DOCK3: variants seen among roughly 807,000 people sequenced by gnomAD.
DOCK3 encodes the protein dedicator of cytokinesis protein 3.
DOCK3 carries 60 observed loss-of-function variants against 265.6 expected under a neutral mutation model. The ratio of observed to expected loss-of-function variants is 0.23; its 90% CI spans 0.18 to 0.28. DOCK3 has a LOEUF of 0.28. Among genes scored for constraint, DOCK3 ranks in the 10% least tolerant of loss-of-function variants. DOCK3 has a pLI of 1.00. For missense variants in DOCK3, 1,981 were observed against 2,594.3 expected (o/e 0.76, Z 5.14); for synonymous variants, 881 against 938.0 (o/e 0.94, Z 1.11).
chr3:51,372,608 C>T (rs1428188058), intron 49 of DOCK3, among the ~76,000 whole-genome samples: 3 of 152,204 alleles, frequency 2.0e-5, no homozygotes, highest in African/African-American at 4.8e-5. Context: ...TGAGAGACCA[C>T]GGACAACCTG....
At chr3:51,310,668 T>C (rs1283901394) in intron 28 of DOCK3, among the ~76,000 whole-genome samples, 1 of 152,236 alleles carries the variant, frequency 6.6e-6, no homozygotes, top group African/African-American at 2.4e-5. Context: ...CAGGCAGTGC[T>C]TGCCTCCCAT....
intron 4 of DOCK3, among the ~76,000 whole-genome samples, chr3:50,910,221 C>G (rs2049789251): frequency 6.6e-6 from 1 of 152,084 alleles, no homozygotes. Flanking sequence ...CTGCTCCTGT[C>G]ATTTCAGCCA....
intron 32 of DOCK3, among the ~76,000 whole-genome samples, chr3:51,326,211 T>C (rs573557618): frequency 4.7e-4 from 72 of 152,254 alleles, no homozygotes; most frequent in Non-Finnish European, 6.8e-4. Context: ...GGTATTCCAT[T>C]GTATGGCTGG....
At chr3:51,110,695 T>C (rs986661258) in intron 9 of DOCK3, among the ~76,000 whole-genome samples, 1 of 152,166 alleles carries the variant, frequency 6.6e-6, no homozygotes, top group Non-Finnish European at 1.5e-5. Flanking sequence ...CTCAAAATAA[T>C]AAGAGCCATC....
rs2088819241 is a variant in DOCK3, at chr3:51,383,872, A to G, written c.*2313A>G. 6.6e-6 allele frequency: 1 copy of G among 152,638 alleles called. No homozygotes were observed. Among genetic ancestry groups the G allele is most frequent in the South Asian group, 2.1e-4 (1 of 4,832 alleles). The allele number at this position is 152,638 out of a possible 1,614,324, so 9.5% of individuals were successfully genotyped here. A position where few individuals can be genotyped will look rare whatever the true frequency, so the allele number is the denominator to read the frequency against. The stretch of plus-strand genomic sequence containing the variant: ...AGAGTGTGATGTCCAATTGGTATTC[A>G]GCACTATAAATGTGTTTTTAACCTC... On this transcript the variant is annotated 3_prime_UTR_variant, in exon 53 of 53. Coordinates refer to ENST00000266037, the MANE Select transcript of DOCK3 (RefSeq NM_004947.5).
chr3:50,700,103 AC>A (rs2035938479), intron 1 of DOCK3, among the ~76,000 whole-genome samples: 1 of 151,900 alleles, frequency 6.6e-6, no homozygotes, highest in African/African-American at 2.4e-5. Context: ...ACATGGTGAA[AC>A]CCCCGTCTCT....
At chr3:51,013,396 A>G (rs932316004) in intron 5 of DOCK3, among the ~76,000 whole-genome samples, 2 of 152,106 alleles carry the variant, frequency 1.3e-5, no homozygotes, top group African/African-American at 2.4e-5. Context: ...TTTCCTTATA[A>G]CAATCAGGTC....
chr3:51,248,666 G>A (rs2078963219), intron 22 of DOCK3, among the ~76,000 whole-genome samples: 1 of 151,958 alleles, frequency 6.6e-6, no homozygotes, highest in Non-Finnish European at 1.5e-5. Context: ...CGTCTGGGAT[G>A]TGAGGAGCCC....
chr3:51,149,700 G>A (rs1034097382), intron 10 of DOCK3, among the ~76,000 whole-genome samples: 1 of 152,168 alleles, frequency 6.6e-6, no homozygotes. Flanking sequence ...CAACTTGATC[G>A]TGGTGGATAG....
intron 1 of DOCK3, among the ~76,000 whole-genome samples, chr3:50,720,406 CTG>C (rs1161684203): frequency 1.3e-5 from 2 of 152,132 alleles, no homozygotes; most frequent in Admixed American, 1.3e-4. Flanking sequence ...TTTTATTTTT[CTG>C]TGTTAGTTCA....
At chr3:50,858,392 C>T (rs892519925) in intron 3 of DOCK3, among the ~76,000 whole-genome samples, 1 of 151,004 alleles carries the variant, frequency 6.6e-6, no homozygotes, top group African/African-American at 2.4e-5. Flanking sequence ...CAAACCTGCA[C>T]GTTGTGCACA....
chr3:50,864,503 A>G (rs140958184), intron 3 of DOCK3, among the ~76,000 whole-genome samples: 1 of 152,120 alleles, frequency 6.6e-6, no homozygotes, highest in Admixed American at 6.5e-5. Context: ...GGCTTCCCCA[A>G]CAATTTTTGC....
At chr3:51,219,637 C>G (rs770849593) in intron 14 of DOCK3, among the ~76,000 whole-genome samples, 8 of 152,168 alleles carry the variant, frequency 5.3e-5, no homozygotes, top group African/African-American at 1.2e-4. Flanking sequence ...CGTGCTTACT[C>G]CAAGCCAAAA....
chr3:51,039,270 A>T (rs1336012203), intron 5 of DOCK3, among the ~76,000 whole-genome samples: 1 of 152,158 alleles, frequency 6.6e-6, no homozygotes, highest in East Asian at 1.9e-4. Context: ...TGCTGGGATT[A>T]TAGGGGTGAG....
chr3:51,053,078 GATATATATATATATATATATATAT>G (rs59382660), intron 5 of DOCK3, among the ~76,000 whole-genome samples: 12,065 of 44,028 alleles, frequency 0.27, 1,458 homozygotes, highest in Middle Eastern at 0.44. Flanking sequence ...AAAAGTCAAA[GATATATATATATATATATATATAT>G]ATATATATAT....
At chr3:51,368,413 C>T (rs189435950) in intron 49 of DOCK3, among the ~76,000 whole-genome samples, 14 of 152,324 alleles carry the variant, frequency 9.2e-5, no homozygotes, top group Admixed American at 6.5e-4. Flanking sequence ...TTATATCCTG[C>T]GCCTGACTCA....
At chr3:50,692,907 C>T (rs573429882) in intron 1 of DOCK3, among the ~76,000 whole-genome samples, 6 of 152,126 alleles carry the variant, frequency 3.9e-5, no homozygotes, top group South Asian at 2.1e-4. Context: ...AGTCAATTTT[C>T]GTATGTGTTA....
At chr3:50,915,007 G>T (rs1014525268) in intron 4 of DOCK3, among the ~76,000 whole-genome samples, 4 of 152,070 alleles carry the variant, frequency 2.6e-5, no homozygotes, top group African/African-American at 9.7e-5. Context: ...TGGGGTTTAG[G>T]TTTGCTGTCT....
chr3:51,249,603 G>C (rs1363078710), intron 22 of DOCK3, among the ~76,000 whole-genome samples: 14 of 123,880 alleles, frequency 1.1e-4, no homozygotes, highest in South Asian at 2.7e-4. Flanking sequence ...GGGAGGTGGG[G>C]GGGTCAGCCC....
Sources: allele counts gnomAD v4.1 joint callset (sites outside exome capture counted in the v4.1 genomes callset), GRCh38; gene constraint gnomAD v4.1.1; transcripts MANE v1.5; gene names NCBI Gene and HGNC (gene_info 2026-07-23, HGNC 2026-07-21).